The following GNG2 variants were observed in gnomAD, a reference collection of about 807,000 sequenced individuals.
GNG2 encodes the protein guanine nucleotide-binding protein G(I)/G(S)/G(O) subunit gamma-2.
A neutral mutation model predicts 5.5 loss-of-function variants in GNG2; 5 were observed. That is an observed-to-expected ratio of 0.91 (90% CI 0.48 to 1.92). The LOEUF is 1.92. Ranked by LOEUF, GNG2 falls within the 30% of genes most tolerant of loss-of-function variation. GNG2 has a pLI of 0.01. For synonymous variants in GNG2, 28 were observed against 32.0 expected, an observed-to-expected ratio of 0.88 and a Z score of 0.42; for missense variants, 55 against 88.4, an observed-to-expected ratio of 0.62 and a Z score of 1.52.
In GNG2 at chr14:51,950,785, A is replaced by G. The variant is rs766539497; in HGVS notation, c.87+20A>G. ...ATAAAGGTGAGGATGGTCTAACCCC[A>G]CACTTCATCTAGCGTGAGTCTAAGG... On this transcript the variant is annotated intron_variant, in intron 3 of 3. Transcript: ENST00000556766. 6.7e-7 allele frequency: 1 copy of G among 1,482,878 alleles called. No individual in the cohort carries two copies. The highest frequency in any genetic ancestry group is 1.2e-5 in the South Asian group (1 of 82,272). 91.9% of individuals were successfully genotyped at this position (1,482,878 alleles called of 1,614,324 possible).
chr14:51,935,419 C>T (rs1358529269), intron 2 of GNG2, among the ~76,000 whole-genome samples: 1 of 152,168 alleles, frequency 6.6e-6, no homozygotes, highest in South Asian at 2.1e-4. Context: ...TAGGATATTA[C>T]TTTTATTTCA....
chr14:51,837,363 G>T (rs1162004900), intron 2 of GNG2, among the ~76,000 whole-genome samples: 1 of 151,914 alleles, frequency 6.6e-6, no homozygotes, highest in Non-Finnish European at 1.5e-5. Context: ...AATATAACTC[G>T]GCCAGGGGTG....
In GNG2 at chr14:51,942,589, C is replaced by CTTTCTTTCTTTCTTTCT. The variant is rs761049973; in HGVS notation, c.-29-8058_-29-8057insCTTTCTTTCTTTCTTTT. On this transcript the variant is annotated intron_variant, in intron 2 of 3. Transcript: ENST00000556766. ...ATTTTTTCTCTTTCTTTCTTTCTTTCTTTTTTTTTTTTTTTTTAGAGACAG... is the reference window on the plus strand; with the variant it reads ...ATTTTTTCTCTTTCTTTCTTTCTTTCTTTCTTTCTTTCTTTCTTTTTTTTTTTTTTTTTTAGAGACAG... Among the ~76,000 whole-genome samples, 589 of 81,114 alleles carry CTTTCTTTCTTTCTTTCT rather than the reference C, an allele frequency of 7.3e-3. 22 individuals carry two copies. The East Asian group carries it at 0.076, about 10-fold the overall frequency. 53.2% of individuals were successfully genotyped at this position (81,114 alleles called of 152,430 possible).
chr14:51,834,932 A>G (rs1881291672), intron 2 of GNG2, among the ~76,000 whole-genome samples: 1 of 152,234 alleles, frequency 6.6e-6, no homozygotes, highest in Non-Finnish European at 1.5e-5. Flanking sequence ...CCCCGCTTCT[A>G]TATAAATGAA....
intron 2 of GNG2, among the ~76,000 whole-genome samples, chr14:51,908,402 C>T (rs1226857477): frequency 6.6e-6 from 1 of 152,202 alleles, no homozygotes; most frequent in Non-Finnish European, 1.5e-5. Flanking sequence ...TGGAGGCTGG[C>T]TACCACAGGC....
chr14:51,883,873 C>CT (rs1476862064), intron 2 of GNG2, among the ~76,000 whole-genome samples: 1 of 151,616 alleles, frequency 6.6e-6, no homozygotes, highest in Non-Finnish European at 1.5e-5. Context: ...GTATATGATC[C>CT]TTTTTTGTGA....
At chr14:51,913,061 G>A (rs1241174585) in intron 2 of GNG2, 1 of 152,194 alleles carries the variant, frequency 6.6e-6, no homozygotes, top group Non-Finnish European at 1.5e-5. Flanking sequence ...CTGCTACCTA[G>A]TTTCAAATGG....
intron 2 of GNG2, among the ~76,000 whole-genome samples, chr14:51,918,008 A>C (rs532330657): frequency 9.8e-4 from 147 of 149,532 alleles, no homozygotes; most frequent in Non-Finnish European, 1.7e-3. Flanking sequence ...TCTGGGCAAG[A>C]GAGAGAGACT....
chr14:51,891,160 C>T (rs1884829404), intron 2 of GNG2, among the ~76,000 whole-genome samples: 1 of 152,174 alleles, frequency 6.6e-6, no homozygotes, highest in South Asian at 2.1e-4. Context: ...CCTTCGTTCT[C>T]CCCGGTAGAG....
Position 51,834,835 on chromosome 14 carries a change from C to T in GNG2, c.64+7028C>T, listed in dbSNP as rs532563074. Among the ~76,000 whole-genome samples, 38 of 152,292 alleles carry T rather than the reference C, an allele frequency of 2.5e-4. No homozygotes were observed. In the South Asian group the frequency reaches 3.7e-3, roughly 15 times the overall value. ...AATAGATTTTCTTTTCCATTCCCTT[C>T]GGGGCATTCGATTTATTTGTGCTAT... is the stretch of plus-strand genomic sequence containing the variant. On this transcript the variant is annotated intron_variant, in intron 2 of 3. Coordinates refer to the GNG2 transcript ENST00000553432.
intron 2 of GNG2, among the ~76,000 whole-genome samples, chr14:51,841,049 A>C (rs1881468995): frequency 6.6e-6 from 1 of 152,222 alleles, no homozygotes; most frequent in Non-Finnish European, 1.5e-5. Flanking sequence ...CATAATATGA[A>C]ACCCAAGATC....
chr14:51,944,265 C>A (rs1438786345), intron 2 of GNG2, among the ~76,000 whole-genome samples: 1 of 152,160 alleles, frequency 6.6e-6, no homozygotes, highest in African/African-American at 2.4e-5. Context: ...TTCTCTCTCA[C>A]AGTTCTAAAG....
intron 2 of GNG2, among the ~76,000 whole-genome samples, chr14:51,836,276 G>C (rs556637195): frequency 6.6e-6 from 1 of 152,030 alleles, no homozygotes; most frequent in South Asian, 2.1e-4. Context: ...TTCAACATAT[G>C]AATTAGTGGG....
upstream of GNG2, among the ~76,000 whole-genome samples, chr14:51,856,862 T>G (rs1882184657): frequency 6.6e-6 from 1 of 152,244 alleles, no homozygotes; most frequent in South Asian, 2.1e-4. Context: ...TTCAGAATTT[T>G]GTGTGCATGT....
chr14:51,944,172 G>T (rs566183021), intron 2 of GNG2, among the ~76,000 whole-genome samples: 2 of 152,042 alleles, frequency 1.3e-5, no homozygotes, highest in African/African-American at 2.4e-5. Context: ...TTTGAGAAGG[G>T]TGCCAAGACA....
rs543288713 is a variant in GNG2, at chr14:51,848,285, C to T, written c.64+20478C>T. The stretch of plus-strand genomic sequence containing the variant: ...TTGTTCTAGTTTCTATTTTGGCTAG[C>T]GTCATTCTGGTCTCACAATGCAAGT... On this transcript the variant is annotated intron_variant, in intron 2 of 3. Coordinates refer to the GNG2 transcript ENST00000553432. 7.9e-5 allele frequency among the ~76,000 whole-genome samples: 12 copies of T among 152,222 alleles called. No homozygotes were observed. In the South Asian group the frequency reaches 1.7e-3, roughly 21 times the overall value.
intron 3 of GNG2, among the ~76,000 whole-genome samples, chr14:51,953,872 T>G (rs1889124575): frequency 6.6e-6 from 1 of 152,178 alleles, no homozygotes; most frequent in African/African-American, 2.4e-5. Flanking sequence ...CCCAGGCTTG[T>G]GATTTTCCAG....
At chr14:51,858,173 A>G (rs1048638809), upstream of GNG2, among the ~76,000 whole-genome samples, 6 of 151,668 alleles carry the variant, frequency 4.0e-5, no homozygotes, top group Admixed American at 1.3e-4. Context: ...CAAACTTGGT[A>G]TGCAAACTTG....
intron 2 of GNG2, among the ~76,000 whole-genome samples, chr14:51,888,757 G>T (rs1417558648): frequency 6.6e-6 from 1 of 152,174 alleles, no homozygotes; most frequent in African/African-American, 2.4e-5. Flanking sequence ...CCCTGGTTTA[G>T]GTTGAGTACG....
Sources: gnomAD v4.1 joint callset for allele counts (sites outside exome capture counted in the v4.1 genomes callset) on GRCh38, gnomAD v4.1.1 for gene constraint, MANE v1.5 for transcripts, NCBI Gene and HGNC (gene_info 2026-07-23, HGNC 2026-07-21) for gene names.